MEDAG: variants seen among roughly 807,000 people sequenced by gnomAD.
MEDAG encodes the protein mesenteric estrogen dependent adipogenesis, also known as mesenteric estrogen-dependent adipogenesis protein.
Under a neutral mutation model 29.9 loss-of-function variants are expected in MEDAG, and 25 were observed. That is an observed-to-expected ratio of 0.84 (90% CI 0.61 to 1.17). MEDAG has a LOEUF of 1.17. Among genes scored for constraint, MEDAG ranks in the 50% most tolerant of loss-of-function variants. The pLI is 0.00. For synonymous variants in MEDAG, 158 were observed against 148.2 expected (o/e 1.07, Z -0.48); for missense variants, 398 against 372.9 (o/e 1.07, Z -0.56).
intron 1 of MEDAG, 61 bp from the exon 2 acceptor site, chr13:30,917,342 C>A: frequency 1.0e-6 from 1 of 1,004,394 alleles, no homozygotes; most frequent in Non-Finnish European, 1.6e-6. Flanking sequence ...TCCAGTACAT[C>A]CCCTTCCTAA....
intron 4 of MEDAG, 176 bp downstream of exon 4, chr13:30,922,022 A>T: frequency 3.1e-6 from 2 of 651,716 alleles, no homozygotes; most frequent in South Asian, 4.9e-5. Flanking sequence ...AAATGCAGTG[A>T]CTTTTCCTTT....
intron 1 of MEDAG, 100 bp downstream of exon 1, chr13:30,906,893 C>G (rs71436424): frequency 0.12 from 147,276 of 1,222,030 alleles, 9,879 homozygotes; most frequent in Non-Finnish European, 0.13. Context: ...TCGCTGCCTG[C>G]GACACCGCGT....
At chr13:30,920,669 C>A (rs1381768213) in intron 2 of MEDAG, among the ~76,000 whole-genome samples, 1 of 152,106 alleles carries the variant, frequency 6.6e-6, no homozygotes, top group Non-Finnish European at 1.5e-5. Context: ...ACTTTCCTTC[C>A]CCATAATGGA....
At chr13:30,910,702 G>A (rs1376012458) in intron 1 of MEDAG, among the ~76,000 whole-genome samples, 2 of 152,280 alleles carry the variant, frequency 1.3e-5, no homozygotes, top group African/African-American at 2.4e-5. Flanking sequence ...AAGCAGAGCT[G>A]TGACCTGCTC....
At chr13:30,911,929 A>G (rs1433865341) in intron 1 of MEDAG, among the ~76,000 whole-genome samples, 5 of 152,186 alleles carry the variant, frequency 3.3e-5, no homozygotes, top group Admixed American at 3.3e-4. Flanking sequence ...TTTGAGCAAG[A>G]AGGTTATACA....
rs761999133 is a variant in MEDAG, at chr13:30,921,540, C to T, written c.502-21C>T. The T allele has an allele frequency of 3.8e-6, 6 of 1,580,706 alleles. No homozygotes were observed. The Admixed American group carries it at 9.2e-5, about 24-fold the overall frequency. On this transcript the variant is annotated intron_variant, in intron 3 of 4. Transcript: ENST00000380482. ...GATACTTATGTCCATTAAGTCAATG[C>T]AATGTTCCTCTCTCTTTCAGTTTGA...
intron 1 of MEDAG, chr13:30,916,396 G>C (rs1952929319): frequency 6.6e-6 from 1 of 152,268 alleles, no homozygotes. Flanking sequence ...GCTTGGAGCT[G>C]TCTCTGCTGA....
At position 30,925,112 on chromosome 13, in the gene MEDAG, T is replaced by A. The variant is rs1033013572; in HGVS notation, c.*677T>A. The A allele has an allele frequency of 6.6e-6, 1 of 152,066 alleles. No individual in the cohort carries two copies. The highest frequency in any genetic ancestry group is 2.4e-5 in the African/African-American group (1 of 41,396). The allele number at this position is 152,066 out of a possible 1,614,324, so 9.4% of individuals were successfully genotyped here. On this transcript the variant is annotated 3_prime_UTR_variant, in exon 5 of 5. Coordinates refer to ENST00000380482, the MANE Select transcript of MEDAG (RefSeq NM_032849.4). ...GCCTCCCTCTTAACTAAGTGACCCA[T>A]GTAGAAGGAAGCCAGGAGATATGGT...
chr13:30,911,702 T>C (rs995789952), intron 1 of MEDAG, among the ~76,000 whole-genome samples: 5 of 152,208 alleles, frequency 3.3e-5, no homozygotes, highest in African/African-American at 1.2e-4. Flanking sequence ...CAGAGAACTA[T>C]GCATTTCTCT....
At chr13:30,921,996 G>A in intron 4 of MEDAG, 150 bp downstream of exon 4, 9 of 815,110 alleles carry the variant, frequency 1.1e-5, no homozygotes, top group Non-Finnish European at 1.6e-5. Flanking sequence ...AGTGGGGCAT[G>A]TTTATTACCA....
At chr13:30,913,158 T>A (rs757655987) in intron 1 of MEDAG, among the ~76,000 whole-genome samples, 1 of 152,220 alleles carries the variant, frequency 6.6e-6, no homozygotes, top group Non-Finnish European at 1.5e-5. Context: ...TATTTTGAAA[T>A]ACTGTGTTTC....
rs1442628550 is a variant in MEDAG at position 30,924,500 on chromosome 13, G to A, written c.*65G>A. 1.3e-5 allele frequency: 20 copies of A among 1,510,844 alleles called. No individual in the cohort carries two copies. Among genetic ancestry groups the A allele is most frequent in the Admixed American group, 2.0e-5 (1 of 48,874 alleles). 93.6% of individuals were successfully genotyped at this position (1,510,844 alleles called of 1,614,324 possible). A position where few individuals can be genotyped will look rare whatever the true frequency, so the allele number is the denominator to read the frequency against. ...CCTGTGCTAGACTATAGGCTGGGGG[G>A]AGGGTAGGAGGTGGGAGGCAGATAC... On this transcript the variant is annotated 3_prime_UTR_variant, in exon 5 of 5. Transcript: ENST00000380482.
Position 30,924,662 on chromosome 13 carries a change from G to A in MEDAG, c.*227G>A, listed in dbSNP as rs1953024997. ...AACTTATGATTACCAGGATGGAAAG[G>A]CCTTGGTCCCATGGCACTGGGTGGG... On this transcript the variant is annotated 3_prime_UTR_variant, in exon 5 of 5. Transcript: ENST00000380482. The A allele has an allele frequency of 9.8e-6, 4 of 407,420 alleles. No individual in the cohort carries two copies. Among genetic ancestry groups the A allele is most frequent in the Non-Finnish European group, 1.7e-5 (4 of 230,840 alleles). The allele number at this position is 407,420 out of a possible 1,614,324, so 25.2% of individuals were successfully genotyped here.
At chr13:30,920,195 G>A (rs1168796333) in intron 2 of MEDAG, among the ~76,000 whole-genome samples, 1 of 152,164 alleles carries the variant, frequency 6.6e-6, no homozygotes, top group African/African-American at 2.4e-5. Flanking sequence ...TGGGGTAGGG[G>A]TAGGGGTGGA....
chr13:30,913,417 A>G (rs1304111445), intron 1 of MEDAG, among the ~76,000 whole-genome samples: 1 of 152,046 alleles, frequency 6.6e-6, no homozygotes, highest in Admixed American at 6.6e-5. Flanking sequence ...AGGTTTTCCT[A>G]GGCTGGTCTG....
rs2138112006 is a variant in MEDAG, at chr13:30,906,754, T to C, written c.239T>C (p.Leu80Pro). Residue 80 changes from leucine to proline, a missense_variant, in exon 1 of 5, where the codon CTC becomes CCC. Physicochemically the swap from Leu to Pro is moderately conservative, Grantham distance 98 (BLOSUM62 -3). Transcript: ENST00000380482. ...GTCTTCGGTGACGGCCTCGTGCGCC[T>C]CGACGGGCAGCTCTACCGCCTCAGC... is the stretch of plus-strand genomic sequence containing the variant. ...FNVFGDGLVR[L>P]DGQLYRLSSY... 1 of 1,510,736 alleles carries C rather than the reference T, an allele frequency of 6.6e-7. No individual in the cohort carries two copies. The highest frequency in any genetic ancestry group is 8.8e-7 in the Non-Finnish European group (1 of 1,139,216). The allele number at this position is 1,510,736 out of a possible 1,614,324, so 93.6% of individuals were successfully genotyped here.
At chr13:30,921,467 G>A in intron 3 of MEDAG, 94 bp from the exon 4 acceptor site, 1 of 1,118,580 alleles carries the variant, frequency 8.9e-7, no homozygotes, top group Non-Finnish European at 1.3e-6. Context: ...AATAAGAGGT[G>A]TGATGTTTTG....
At chr13:30,909,770 G>A (rs747473026) in intron 1 of MEDAG, among the ~76,000 whole-genome samples, 2 of 152,120 alleles carry the variant, frequency 1.3e-5, no homozygotes, top group Non-Finnish European at 2.9e-5. Flanking sequence ...GCTTTCATGA[G>A]GCCCTTTTCC....
chr13:30,907,920 C>G (rs143927813), intron 1 of MEDAG, among the ~76,000 whole-genome samples: 1 of 152,322 alleles, frequency 6.6e-6, no homozygotes, highest in Non-Finnish European at 1.5e-5. Context: ...CCTGAAGAAC[C>G]ATTCCCCAGC....
Sources: gnomAD v4.1 joint callset for allele counts (sites outside exome capture counted in the v4.1 genomes callset) on GRCh38, gnomAD v4.1.1 for gene constraint, MANE v1.5 for transcripts, NCBI Gene and HGNC (gene_info 2026-07-23, HGNC 2026-07-21) for gene names.